BMPER: variants seen among roughly 807,000 people sequenced by gnomAD.
BMPER encodes the protein BMP binding endothelial regulator, also known as BMP-binding endothelial regulator protein.
BMPER carries 45 observed loss-of-function variants against 87.3 expected under a neutral mutation model. The observed-to-expected ratio is 0.52, with a 90% CI of 0.41 to 0.66. The LOEUF is 0.66. Among genes scored for constraint, BMPER ranks in the 30% least tolerant of loss-of-function variants. The pLI is 0.00. For missense variants in BMPER, 784 were observed against 867.5 expected (o/e 0.90, Z 1.21); for synonymous variants, 326 against 316.2 (o/e 1.03, Z -0.33).
chr7:34,080,131 A>G (rs1348453745), intron 12 of BMPER, among the ~76,000 whole-genome samples: 2 of 152,194 alleles, frequency 1.3e-5, no homozygotes, highest in Admixed American at 6.5e-5. Context: ...TGATACTTCT[A>G]AGGAAATCAG....
chr7:33,909,654 G>A (rs1314375625), intron 2 of BMPER, among the ~76,000 whole-genome samples: 1 of 131,240 alleles, frequency 7.6e-6, no homozygotes, highest in Non-Finnish European at 1.5e-5. Context: ...CTGAGTATAA[G>A]CTCATATCTT....
At chr7:34,050,031 A>G (rs1322471268) in intron 7 of BMPER, among the ~76,000 whole-genome samples, 1 of 152,168 alleles carries the variant, frequency 6.6e-6, no homozygotes, top group African/African-American at 2.4e-5. Context: ...GCCTCAGGGT[A>G]AACCTATTTG....
At chr7:34,075,333 T>C (rs926018366) in intron 11 of BMPER, among the ~76,000 whole-genome samples, 2 of 152,156 alleles carry the variant, frequency 1.3e-5, no homozygotes, top group Admixed American at 6.5e-5. Flanking sequence ...GAAATGTAAG[T>C]GTAAATAATA....
At chr7:34,143,194 T>G (rs1790917707) in intron 13 of BMPER, 36 bp from the exon 14 acceptor site, 1 of 1,612,940 alleles carries the variant, frequency 6.2e-7, no homozygotes, top group Non-Finnish European at 8.5e-7. Context: ...GGTTTGATAT[T>G]TTTAAATGTT....
At chr7:33,964,866 G>C (rs1585684251) in intron 3 of BMPER, among the ~76,000 whole-genome samples, 1 of 152,114 alleles carries the variant, frequency 6.6e-6, no homozygotes, top group Non-Finnish European at 1.5e-5. Context: ...TGGCAGACTT[G>C]GCAGGCGTTT....
intron 13 of BMPER, among the ~76,000 whole-genome samples, chr7:34,132,447 G>T (rs796088076): frequency 1.3e-5 from 2 of 151,158 alleles, no homozygotes; most frequent in Admixed American, 6.6e-5. Context: ...TCCCTACCAC[G>T]CCCCAAAGGC....
At chr7:33,905,533 C>G, upstream of BMPER, 4 of 1,579,520 alleles carry the variant, frequency 2.5e-6, no homozygotes, top group Non-Finnish European at 3.4e-6. Flanking sequence ...GCTGAGAGCC[C>G]TTTTCGACTG....
chr7:33,974,839 A>C, intron 6 of BMPER, 55 bp downstream of exon 6: 2 of 1,543,876 alleles, frequency 1.3e-6, no homozygotes, highest in Non-Finnish European at 1.8e-6. Flanking sequence ...CACTTCTTGT[A>C]CTCACCAAGA....
rs1451136107 is a variant in BMPER at position 34,153,958 on chromosome 7, T to C, written c.*685T>C. ...ATTTCTTGCCATCCTTGCGTAGTCC[T>C]CAAGTCTTCTAATCATCTATGTGTG... is the stretch of plus-strand genomic sequence containing the variant. On this transcript the variant is annotated 3_prime_UTR_variant, in exon 15 of 15. Transcript: ENST00000649409. The C allele has an allele frequency of 6.5e-6, 1 of 153,990 alleles. No homozygotes were observed. Among genetic ancestry groups the C allele is most frequent in the Non-Finnish European group, 1.4e-5 (1 of 68,988 alleles). The allele number at this position is 153,990 out of a possible 1,614,324, so 9.5% of individuals were successfully genotyped here.
chr7:33,965,793 T>C (rs1183990464), intron 3 of BMPER, among the ~76,000 whole-genome samples: 1 of 152,258 alleles, frequency 6.6e-6, no homozygotes, highest in Admixed American at 6.5e-5. Flanking sequence ...TCAAGCTAAC[T>C]GGCTTATTTC....
chr7:34,086,170 T>A, intron 13 of BMPER, 78 bp downstream of exon 13: 1 of 1,497,516 alleles, frequency 6.7e-7, no homozygotes, highest in South Asian at 1.2e-5. Flanking sequence ...GTGTATGAAA[T>A]CTCTTGTTGT....
intron 11 of BMPER, among the ~76,000 whole-genome samples, chr7:34,076,679 C>CGTTA (rs1949419403): frequency 6.6e-6 from 1 of 151,994 alleles, no homozygotes; most frequent in Non-Finnish European, 1.5e-5. Flanking sequence ...TGTAGAAGAG[C>CGTTA]GTTAGGGTAT....
chr7:34,018,553 T>C (rs1787098456), intron 6 of BMPER, among the ~76,000 whole-genome samples: 1 of 152,002 alleles, frequency 6.6e-6, no homozygotes, highest in African/African-American at 2.4e-5. Flanking sequence ...GAGATGAAAC[T>C]GGACACCAAG....
At chr7:33,950,395 C>T (rs554899920) in intron 3 of BMPER, among the ~76,000 whole-genome samples, 38 of 152,272 alleles carry the variant, frequency 2.5e-4, no homozygotes, top group Admixed American at 2.2e-3. Context: ...ACAAACTTAA[C>T]GGCCTAAAAT....
intron 13 of BMPER, among the ~76,000 whole-genome samples, chr7:34,120,628 C>T (rs1026023440): frequency 2.9e-4 from 44 of 152,252 alleles, no homozygotes; most frequent in African/African-American, 1.0e-3. Flanking sequence ...GAATTCCCGA[C>T]CTCAAATGAT....
rs900634860 is a variant in BMPER, at chr7:34,156,155, C to G, written c.*2882C>G. 6.6e-6 allele frequency among the ~76,000 whole-genome samples: 1 copy of G among 152,140 alleles called. No individual in the cohort carries two copies. The highest frequency in any genetic ancestry group is 2.1e-4 in the South Asian group (1 of 4,818). ...GTTGACTGCTTCCTGACCATCAGAC[C>G]GTCCTGTAAGAGGGCATCTTTCAAT... On this transcript the variant is annotated 3_prime_UTR_variant, in exon 15 of 15. Transcript: ENST00000649409.
At chr7:33,989,969 A>G (rs1197128968) in intron 6 of BMPER, among the ~76,000 whole-genome samples, 9 of 151,852 alleles carry the variant, frequency 5.9e-5, no homozygotes, top group African/African-American at 1.9e-4. Context: ...TGTTCCATTG[A>G]TCTGTATCTC....
intron 2 of BMPER, among the ~76,000 whole-genome samples, chr7:33,927,136 C>T (rs1784378565): frequency 6.6e-6 from 1 of 152,258 alleles, no homozygotes; most frequent in Admixed American, 6.5e-5. Context: ...AGCGGCTCCT[C>T]CGCCCTGCCT....
At chr7:34,106,351 C>T (rs186760098) in intron 13 of BMPER, among the ~76,000 whole-genome samples, 6 of 152,284 alleles carry the variant, frequency 3.9e-5, no homozygotes, top group Non-Finnish European at 5.9e-5. Flanking sequence ...GCAGGTCATA[C>T]GTTTGGATAA....
Sources: allele counts gnomAD v4.1 joint callset (sites outside exome capture counted in the v4.1 genomes callset), GRCh38; gene constraint gnomAD v4.1.1; transcripts MANE v1.5; gene names NCBI Gene and HGNC (gene_info 2026-07-23, HGNC 2026-07-21).